Variants in SAMD4A observed in about 807,000 individuals in gnomAD.
SAMD4A encodes the protein protein Smaug homolog 1.
In SAMD4A, 33 loss-of-function variants were observed where a neutral mutation model predicts 81.3. That is an observed-to-expected ratio of 0.41 (90% CI 0.31 to 0.54). The LOEUF (loss-of-function observed/expected upper bound fraction) is 0.54, where lower values mean the gene tolerates loss of function less well. SAMD4A is among the 20% of genes least tolerant of loss of function. The pLI is 0.37. For synonymous variants in SAMD4A, 389 were observed against 382.1 expected, an observed-to-expected ratio of 1.02 and a Z score of -0.21; for missense variants, 854 against 951.1, an observed-to-expected ratio of 0.90 and a Z score of 1.34.
At chr14:54,600,565 T>C (rs147204741) in intron 2 of SAMD4A, among the ~76,000 whole-genome samples, 159 of 152,350 alleles carry the variant, frequency 1.0e-3, no homozygotes, top group African/African-American at 3.7e-3. Context: ...CTCAATTTTC[T>C]AGACTAAAAT....
In SAMD4A at chr14:54,757,421, G is replaced by T. The variant is rs1454418593; in HGVS notation, c.1177-2740G>T. Among the ~76,000 whole-genome samples, 320 of 143,970 alleles carry T rather than the reference G, an allele frequency of 2.2e-3. 2 individuals carry two copies. The highest frequency in any genetic ancestry group is 8.2e-3 in the African/African-American group (296 of 35,930). The allele number at this position is 143,970 out of a possible 152,430, so 94.4% of individuals were successfully genotyped here. A position where few individuals can be genotyped will look rare whatever the true frequency, so the allele number is the denominator to read the frequency against. On this transcript the variant is annotated intron_variant, in intron 6 of 12. Transcript: ENST00000554335. ...TGTGTGTGTGTGTGTGTGTGTGTGT[G>T]TGTGTGTTTTGTTTTGTTTTGTTTG...
chr14:54,672,024 T>G (rs1216169415), intron 2 of SAMD4A, among the ~76,000 whole-genome samples: 4 of 72,128 alleles, frequency 5.5e-5, no homozygotes, highest in East Asian at 1.1e-3. Flanking sequence ...TATAGTGTTT[T>G]TTTTTTTTTT....
chr14:54,632,688 G>T (rs546873697), intron 2 of SAMD4A, among the ~76,000 whole-genome samples: 12 of 152,192 alleles, frequency 7.9e-5, no homozygotes, highest in African/African-American at 2.9e-4. Flanking sequence ...AATGTGTACT[G>T]GCAGGCAGTA....
chr14:54,655,243 C>T (rs1433106099), intron 2 of SAMD4A, among the ~76,000 whole-genome samples: 1 of 152,160 alleles, frequency 6.6e-6, no homozygotes, highest in African/African-American at 2.4e-5. Context: ...AGTCATATGT[C>T]CTTCCCACAG....
chr14:54,670,244 G>A (rs1310370073), intron 2 of SAMD4A, among the ~76,000 whole-genome samples: 1 of 152,094 alleles, frequency 6.6e-6, no homozygotes, highest in African/African-American at 2.4e-5. Context: ...CGTCCAGTCT[G>A]TTCCTAGGCA....
intron 2 of SAMD4A, among the ~76,000 whole-genome samples, chr14:54,675,792 G>A (rs1308380990): frequency 6.6e-6 from 1 of 151,428 alleles, no homozygotes; most frequent in Non-Finnish European, 1.5e-5. Flanking sequence ...TAATTGGCCT[G>A]TTTTAATACT....
chr14:54,574,627 T>C (rs1338894043), intron 2 of SAMD4A, among the ~76,000 whole-genome samples: 2 of 152,184 alleles, frequency 1.3e-5, no homozygotes, highest in African/African-American at 4.8e-5. Context: ...GATACGAAAA[T>C]GGAACATCTG....
intron 2 of SAMD4A, among the ~76,000 whole-genome samples, chr14:54,643,481 C>A (rs1025036758): frequency 1.3e-5 from 2 of 152,220 alleles, no homozygotes; most frequent in Non-Finnish European, 2.9e-5. Flanking sequence ...CAGCCTTGAG[C>A]TAGGAGGTCT....
chr14:54,566,213 C>T (rs976375730), upstream of SAMD4A, among the ~76,000 whole-genome samples: 3 of 151,278 alleles, frequency 2.0e-5, no homozygotes, highest in African/African-American at 4.8e-5. Context: ...CGGCATGGCC[C>T]GCGGCCGGCG....
chr14:54,611,276 G>A (rs2034347383), intron 2 of SAMD4A, among the ~76,000 whole-genome samples: 2 of 152,140 alleles, frequency 1.3e-5, no homozygotes, highest in Admixed American at 6.5e-5. Flanking sequence ...TAACAAGAAT[G>A]AGCATATTCC....
At chr14:54,621,380 C>T (rs1027492007) in intron 2 of SAMD4A, among the ~76,000 whole-genome samples, 10 of 151,102 alleles carry the variant, frequency 6.6e-5, no homozygotes, top group South Asian at 2.1e-4. Flanking sequence ...GACAGGGTCT[C>T]GCTGTGTCCC....
At chr14:54,757,146 C>T (rs1398158351) in intron 6 of SAMD4A, among the ~76,000 whole-genome samples, 5 of 152,164 alleles carry the variant, frequency 3.3e-5, no homozygotes, top group Non-Finnish European at 7.3e-5. Context: ...AATTTGGGCA[C>T]TCTGTTTTGA....
At chr14:54,582,373 C>T (rs564522087) in intron 2 of SAMD4A, among the ~76,000 whole-genome samples, 2 of 152,082 alleles carry the variant, frequency 1.3e-5, no homozygotes, top group South Asian at 4.2e-4. Context: ...GTTAAACTGG[C>T]GAATGGCGTC....
chr14:54,712,481 G>C (rs1041570665), intron 3 of SAMD4A, among the ~76,000 whole-genome samples: 15 of 152,084 alleles, frequency 9.9e-5, no homozygotes, highest in Non-Finnish European at 1.3e-4. Context: ...TTTTTAGTAT[G>C]GCACTGGCCT....
At chr14:54,751,956 GT>G (rs1413343146) in intron 6 of SAMD4A, among the ~76,000 whole-genome samples, 1 of 152,194 alleles carries the variant, frequency 6.6e-6, no homozygotes, top group Non-Finnish European at 1.5e-5. Context: ...GGGAGGGTCT[GT>G]TTTGAGAAAA....
intron 2 of SAMD4A, among the ~76,000 whole-genome samples, chr14:54,609,999 G>A (rs1181108657): frequency 6.6e-6 from 1 of 152,154 alleles, no homozygotes; most frequent in Non-Finnish European, 1.5e-5. Context: ...CGTACCTCAG[G>A]TGATGAGGTT....
intron 12 of SAMD4A, among the ~76,000 whole-genome samples, chr14:54,788,580 G>A (rs778099428): frequency 9.2e-5 from 14 of 152,076 alleles, no homozygotes; most frequent in Non-Finnish European, 1.8e-4. Flanking sequence ...CTTCCTCCAC[G>A]ATCCTGCTCT....
chr14:54,754,771 C>A, intron 6 of SAMD4A: 1 of 963,380 alleles, frequency 1.0e-6, no homozygotes, highest in Non-Finnish European at 1.2e-6. Flanking sequence ...TGGGGCCCCG[C>A]CCATAGTTAG....
intron 2 of SAMD4A, among the ~76,000 whole-genome samples, chr14:54,671,455 G>A (rs2035878493): frequency 1.3e-5 from 2 of 152,222 alleles, no homozygotes; most frequent in African/African-American, 4.8e-5. Context: ...AGTGCAATGG[G>A]AGTGATTGTT....
Sources: gnomAD v4.1 joint callset for allele counts (sites outside exome capture counted in the v4.1 genomes callset) on GRCh38, gnomAD v4.1.1 for gene constraint, MANE v1.5 for transcripts, NCBI Gene and HGNC (gene_info 2026-07-23, HGNC 2026-07-21) for gene names.